The following SPATS2 variants were observed in gnomAD, a reference collection of about 807,000 sequenced individuals.
SPATS2 encodes the protein spermatogenesis associated serine rich 2.
SPATS2 carries 38 observed loss-of-function variants against 63.7 expected under a neutral mutation model. The observed-to-expected ratio is 0.60, with a 90% CI of 0.46 to 0.78. The LOEUF (loss-of-function observed/expected upper bound fraction) is 0.78, where lower values mean the gene tolerates loss of function less well. SPATS2 is among the 30% of genes least tolerant of loss of function. The probability of loss-of-function intolerance (pLI) is 0.00; values close to 1 mark genes in which losing one functional copy is unlikely to be tolerated. For synonymous variants in SPATS2, 207 were observed against 232.9 expected (o/e 0.89, Z 1.01); for missense variants, 588 against 666.2 (o/e 0.88, Z 1.29).
chr12:49,404,038 T>C (rs1009219027), intron 2 of SPATS2, among the ~76,000 whole-genome samples: 3 of 152,204 alleles, frequency 2.0e-5, no homozygotes, highest in African/African-American at 7.2e-5. Flanking sequence ...TACTAGCACC[T>C]GCTGTGTGCC....
chr12:49,385,827 G>GT (rs200606039), intron 2 of SPATS2, among the ~76,000 whole-genome samples: 2,297 of 147,906 alleles, frequency 0.016, 56 homozygotes, highest in African/African-American at 0.055. Flanking sequence ...ATTTTGTGGG[G>GT]TTTTTTTTGT....
intron 2 of SPATS2, among the ~76,000 whole-genome samples, chr12:49,438,251 T>C (rs1013701703): frequency 1.3e-5 from 2 of 152,248 alleles, no homozygotes; most frequent in Non-Finnish European, 2.9e-5. Flanking sequence ...TAACAATGCC[T>C]ATGAGATATA....
chr12:49,500,160 C>T lies in SPATS2; in HGVS notation c.794C>T (p.Ala265Val). 1 of 1,611,222 alleles carries T rather than the reference C, an allele frequency of 6.2e-7. No individual in the cohort carries two copies. The highest frequency in any genetic ancestry group is 2.2e-5 in the East Asian group (1 of 44,628). The change falls in exon 9 of 14, where the codon GCC (alanine) becomes GTC (valine). Residue 265 changes from alanine (A) to valine (V), a missense_variant. Transcript: ENST00000552918. The part of the protein sequence containing the change: ...YRVVVKEEMD[A>V]SIKKMKQAFA... Reference sequence around the variant, plus strand: ...GTTGTAGTTAAAGAAGAGATGGATGCCTCCATTAAGAAAATGAAACAAGCC... The same window carrying T: ...GTTGTAGTTAAAGAAGAGATGGATGTCTCCATTAAGAAAATGAAACAAGCC...
At chr12:49,449,288 T>C (rs1307463796) in intron 2 of SPATS2, among the ~76,000 whole-genome samples, 1 of 152,242 alleles carries the variant, frequency 6.6e-6, no homozygotes, top group Non-Finnish European at 1.5e-5. Context: ...CCATCTCAGC[T>C]CACTGCAACC....
intron 9 of SPATS2, among the ~76,000 whole-genome samples, chr12:49,510,752 T>A (rs1233361087): frequency 6.6e-6 from 1 of 152,152 alleles, no homozygotes; most frequent in Non-Finnish European, 1.5e-5. Context: ...AATTAACAAT[T>A]TTTTGGTACC....
In SPATS2 at chr12:49,496,894, T is replaced by A. The variant is rs779851718; in HGVS notation, c.588T>A (p.Ile196=). The A allele has an allele frequency of 1.2e-6, 2 of 1,614,062 alleles. No individual in the cohort carries two copies. Among genetic ancestry groups the A allele is most frequent in the South Asian group, 1.1e-5 (1 of 91,050 alleles). Residue 196 remains isoleucine (I), a synonymous_variant, in exon 8 of 14, where the codon ATT becomes ATA. Coordinates refer to ENST00000552918, the MANE Select transcript of SPATS2 (RefSeq NM_023071.4). ...CCAAGTCTTTGACTATGCACTCTAT[T>A]CACAATTCTCAACAACCCAGGAATG... ...FETKSLTMHS[I]HNSQQPRNAA...
chr12:49,440,907 C>T (rs924918636), intron 2 of SPATS2, among the ~76,000 whole-genome samples: 2 of 152,144 alleles, frequency 1.3e-5, no homozygotes, highest in Admixed American at 6.5e-5. Context: ...TTAAGTATTT[C>T]AGGAGCCACA....
rs1947039339 is a variant in SPATS2, at chr12:49,526,545, C to T, written c.*290C>T. 6.2e-5 allele frequency: 25 copies of T among 405,380 alleles called. No individual in the cohort carries two copies. The South Asian group carries it at 7.0e-4, about 11-fold the overall frequency. The allele number at this position is 405,380 out of a possible 1,614,324, so 25.1% of individuals were successfully genotyped here. On this transcript the variant is annotated 3_prime_UTR_variant, in exon 14 of 14. Coordinates refer to ENST00000552918, the MANE Select transcript of SPATS2 (RefSeq NM_023071.4). The stretch of plus-strand genomic sequence containing the variant: ...CAGGTTTCGGCCTTCCAGTTGATCC[C>T]TCCACTGTCCAGGCTGTCTCAGGAG...
intron 2 of SPATS2, among the ~76,000 whole-genome samples, chr12:49,380,881 CT>C (rs773377635): frequency 0.018 from 2,457 of 136,022 alleles, 51 homozygotes; most frequent in African/African-American, 0.054. Flanking sequence ...TATAGTAATT[CT>C]TTTTTTTTTT....
At chr12:49,495,434 T>C (rs1208931569) in intron 7 of SPATS2, among the ~76,000 whole-genome samples, 3 of 152,138 alleles carry the variant, frequency 2.0e-5, no homozygotes, top group South Asian at 4.1e-4. Context: ...CCTGACCTCA[T>C]GATCCACCCG....
intron 3 of SPATS2, among the ~76,000 whole-genome samples, chr12:49,472,814 C>T (rs764648133): frequency 1.3e-5 from 2 of 149,898 alleles, no homozygotes; most frequent in Admixed American, 6.6e-5. Context: ...CTGAGGTGGT[C>T]GGATCCCTTG....
chr12:49,470,563 ATATAACT>A (rs1316707106), intron 3 of SPATS2, among the ~76,000 whole-genome samples: 1 of 152,242 alleles, frequency 6.6e-6, no homozygotes, highest in Non-Finnish European at 1.5e-5. Context: ...AGAAAGAAAA[ATATAACT>A]TAGGAGCAGT....
At chr12:49,400,594 A>G (rs1185855348) in intron 2 of SPATS2, among the ~76,000 whole-genome samples, 1 of 152,160 alleles carries the variant, frequency 6.6e-6, no homozygotes, top group African/African-American at 2.4e-5. Context: ...CAGTTCATCT[A>G]CAGTGCATAA....
chr12:49,490,395 G>A (rs1455399392), intron 5 of SPATS2: 2 of 355,082 alleles, frequency 5.6e-6, no homozygotes, highest in Non-Finnish European at 1.0e-5. Flanking sequence ...GGTCTAAGAT[G>A]TATGGATAAG....
intron 3 of SPATS2, among the ~76,000 whole-genome samples, chr12:49,471,087 T>C (rs1228717920): frequency 6.6e-6 from 1 of 152,228 alleles, no homozygotes; most frequent in African/African-American, 2.4e-5. Flanking sequence ...GAAATCTCTT[T>C]ACTGCTCTAG....
chr12:49,504,007 AT>A (rs1169112079), intron 9 of SPATS2, among the ~76,000 whole-genome samples: 1 of 152,198 alleles, frequency 6.6e-6, no homozygotes, highest in African/African-American at 2.4e-5. Context: ...GCTCTGGTTG[AT>A]TGAGTTTATA....
rs141604129 is a variant in SPATS2, at chr12:49,499,266, C to G, written c.704-804C>G. 2.6e-5 allele frequency among the ~76,000 whole-genome samples: 4 copies of G among 152,184 alleles called. No individual in the cohort carries two copies. The East Asian group carries it at 7.7e-4, about 29-fold the overall frequency. ...AGCCTTTAGTCTAGAAATAATTTTG[C>G]CCTGTTGCTGAGGCAGTATCCTTCC... On this transcript the variant is annotated intron_variant, in intron 8 of 13. Coordinates refer to ENST00000552918, the MANE Select transcript of SPATS2 (RefSeq NM_023071.4).
At chr12:49,472,086 CA>C (rs1347231797) in intron 3 of SPATS2, among the ~76,000 whole-genome samples, 6 of 151,862 alleles carry the variant, frequency 4.0e-5, no homozygotes, top group African/African-American at 1.5e-4. Context: ...TATAGTGAGC[CA>C]AGGTTGCGCC....
intron 9 of SPATS2, 59 bp from the exon 10 acceptor site, chr12:49,514,496 G>A: frequency 6.6e-7 from 1 of 1,506,872 alleles, no homozygotes. Context: ...TTAATAATGT[G>A]CTAATTTTGT....
Sources: allele counts gnomAD v4.1 joint callset (sites outside exome capture counted in the v4.1 genomes callset), GRCh38; gene constraint gnomAD v4.1.1; transcripts MANE v1.5; gene names NCBI Gene and HGNC (gene_info 2026-07-23, HGNC 2026-07-21).